DPP10: variants seen among roughly 807,000 people sequenced by gnomAD.
DPP10 encodes the protein dipeptidyl peptidase like 10.
A neutral mutation model predicts 120.9 loss-of-function variants in DPP10; 33 were observed. The observed-to-expected ratio is 0.27, with a 90% CI of 0.21 to 0.37. DPP10 has a LOEUF of 0.37. Ranked by LOEUF, DPP10 falls within the 10% of genes least tolerant of loss-of-function variation. The pLI, the probability that DPP10 is intolerant of heterozygous loss-of-function variation, is 1.00. For synonymous variants in DPP10, 337 were observed against 326.1 expected, an observed-to-expected ratio of 1.03 and a Z score of -0.36; for missense variants, 816 against 942.8, an observed-to-expected ratio of 0.87 and a Z score of 1.76.
chr2:115,179,785 G>A (rs2053952614), intron 1 of DPP10, among the ~76,000 whole-genome samples: 1 of 152,028 alleles, frequency 6.6e-6, no homozygotes, highest in Non-Finnish European at 1.5e-5. Flanking sequence ...AGTAGTAATG[G>A]AATTTAACAA....
chr2:115,064,916 T>A, intron 1 of DPP10: 1 of 1,152,996 alleles, frequency 8.7e-7, no homozygotes, highest in South Asian at 1.4e-5. Flanking sequence ...TTTTTCTTTT[T>A]TGTTTTAAGC....
At position 115,731,760 on chromosome 2, in the gene DPP10, C is replaced by T. The variant is rs2092916781; in HGVS notation, c.697+3824C>T. Among the ~76,000 whole-genome samples, 10 of 152,308 alleles carry T rather than the reference C, an allele frequency of 6.6e-5. No individual in the cohort carries two copies. The South Asian group carries it at 2.1e-3, about 32-fold the overall frequency. ...GTCAGACTTCAGTGATCTGTTTCCT[C>T]AGCCAAAGACTCATCCTACTGTCCA... is the stretch of plus-strand genomic sequence containing the variant. On this transcript the variant is annotated intron_variant, in intron 8 of 25. Transcript: ENST00000410059.
intron 1 of DPP10, among the ~76,000 whole-genome samples, chr2:114,847,802 A>G (rs772148179): frequency 6.6e-6 from 1 of 152,210 alleles, no homozygotes; most frequent in Non-Finnish European, 1.5e-5. Context: ...ATTAAAATGC[A>G]CAAAATAAAT....
intron 1 of DPP10, among the ~76,000 whole-genome samples, chr2:115,276,055 C>T (rs1004834629): frequency 6.6e-6 from 1 of 152,112 alleles, no homozygotes; most frequent in Non-Finnish European, 1.5e-5. Context: ...AAATTTCACC[C>T]AGAAGTGAAT....
At chr2:115,633,497 G>A (rs2086065967) in intron 5 of DPP10, among the ~76,000 whole-genome samples, 1 of 152,094 alleles carries the variant, frequency 6.6e-6, no homozygotes, top group Admixed American at 6.6e-5. Context: ...GAGTTAATGG[G>A]TGCAGCACAC....
chr2:114,590,416 TG>T (rs1691364801), intron 1 of DPP10, among the ~76,000 whole-genome samples: 1 of 152,204 alleles, frequency 6.6e-6, no homozygotes, highest in South Asian at 2.1e-4. Flanking sequence ...TTTTCTTAAT[TG>T]GGTAATAATT....
intron 1 of DPP10, among the ~76,000 whole-genome samples, chr2:115,220,275 T>A (rs72839260): frequency 0.06 from 9,097 of 152,268 alleles, 420 homozygotes; most frequent in Non-Finnish European, 0.086. Context: ...ATTGTAGGTA[T>A]TGTATTGCCA....
chr2:115,071,610 T>C (rs919136629), intron 1 of DPP10, among the ~76,000 whole-genome samples: 1 of 152,150 alleles, frequency 6.6e-6, no homozygotes, highest in East Asian at 1.9e-4. Context: ...GAAGGTTAAT[T>C]TCCCTAGGGA....
At chr2:114,912,446 A>G (rs1694438190) in intron 1 of DPP10, among the ~76,000 whole-genome samples, 1 of 152,226 alleles carries the variant, frequency 6.6e-6, no homozygotes, top group Non-Finnish European at 1.5e-5. Context: ...TCATGTTTAC[A>G]TTCATAATAA....
At chr2:114,776,426 A>G (rs1681747138) in intron 1 of DPP10, among the ~76,000 whole-genome samples, 1 of 152,116 alleles carries the variant, frequency 6.6e-6, no homozygotes, top group Non-Finnish European at 1.5e-5. Context: ...AAGGTTCCAG[A>G]GCTTCCAAGA....
At chr2:115,520,557 T>C (rs771081667) in intron 4 of DPP10, among the ~76,000 whole-genome samples, 4 of 152,086 alleles carry the variant, frequency 2.6e-5, no homozygotes, top group Non-Finnish European at 5.9e-5. Flanking sequence ...TAGATATTTT[T>C]ATTACCAGCT....
chr2:115,698,330 C>A (rs1253996357), intron 7 of DPP10, among the ~76,000 whole-genome samples: 1 of 152,118 alleles, frequency 6.6e-6, no homozygotes, highest in Non-Finnish European at 1.5e-5. Flanking sequence ...GAAAGCACAA[C>A]ATACCAAAAT....
intron 1 of DPP10, chr2:114,706,977 A>G (rs1333152757): frequency 6.6e-6 from 1 of 152,158 alleles, no homozygotes; most frequent in Non-Finnish European, 1.5e-5. Context: ...ATAGATGGAT[A>G]CCATGGCCCT....
At chr2:115,486,275 C>T (rs554692903) in intron 3 of DPP10, among the ~76,000 whole-genome samples, 2 of 151,990 alleles carry the variant, frequency 1.3e-5, no homozygotes, top group Non-Finnish European at 2.9e-5. Flanking sequence ...GCACTAGTAA[C>T]ATATCCATCT....
At chr2:114,555,255 G>A (rs182616892) in intron 1 of DPP10, among the ~76,000 whole-genome samples, 39 of 152,202 alleles carry the variant, frequency 2.6e-4, no homozygotes, top group Admixed American at 3.3e-4. Flanking sequence ...CCTTGCTTGT[G>A]GCAGGACATC....
chr2:114,660,844 T>G (rs538765475), intron 1 of DPP10, among the ~76,000 whole-genome samples: 2 of 152,346 alleles, frequency 1.3e-5, no homozygotes, highest in Non-Finnish European at 2.9e-5. Context: ...TTTATTTGTA[T>G]TTTATTATAA....
intron 1 of DPP10, among the ~76,000 whole-genome samples, chr2:114,976,193 G>T (rs1194691485): frequency 6.6e-6 from 1 of 152,064 alleles, no homozygotes; most frequent in Admixed American, 6.6e-5. Flanking sequence ...AGCATTAGTT[G>T]ATTCTTTGCT....
intron 8 of DPP10, among the ~76,000 whole-genome samples, chr2:115,738,429 G>A (rs1240412060): frequency 6.6e-6 from 1 of 152,036 alleles, no homozygotes; most frequent in Non-Finnish European, 1.5e-5. Context: ...GTTGTAGCAA[G>A]TAAGTGCTAC....
At position 115,721,447 on chromosome 2, in the gene DPP10, A is replaced by C. The variant is rs1291157832; in HGVS notation, c.577-6369A>C. The stretch of plus-strand genomic sequence containing the variant: ...TCATATGTATATTATCACAAAAATT[A>C]ATGTTGGTACTTTATTCATAAACAT... On this transcript the variant is annotated intron_variant, in intron 7 of 25. Transcript: ENST00000410059. Among the ~76,000 whole-genome samples the C allele has an allele frequency of 3.3e-5, 5 of 152,210 alleles. No homozygotes were observed. The South Asian group carries it at 1.0e-3, about 31-fold the overall frequency.
Sources: allele counts gnomAD v4.1 joint callset (sites outside exome capture counted in the v4.1 genomes callset), GRCh38; gene constraint gnomAD v4.1.1; transcripts MANE v1.5; gene names NCBI Gene and HGNC (gene_info 2026-07-23, HGNC 2026-07-21).